Variants in PLD6 observed in about 807,000 individuals in gnomAD.
PLD6 encodes the protein phospholipase D family member 6.
Under a neutral mutation model 9.7 loss-of-function variants are expected in PLD6, and 10 were observed. That is an observed-to-expected ratio of 1.03 (90% CI 0.64 to 1.75). PLD6 has a LOEUF of 1.75. Ranked by LOEUF, PLD6 falls within the 40% of genes most tolerant of loss-of-function variation. The pLI is 0.00. For synonymous variants in PLD6, 152 were observed against 159.2 expected, an observed-to-expected ratio of 0.96 and a Z score of 0.34; for missense variants, 334 against 347.6, an observed-to-expected ratio of 0.96 and a Z score of 0.31.
chr17:17,205,724 G>T, intron 1 of PLD6, 136 bp downstream of exon 1: 2 of 1,056,622 alleles, frequency 1.9e-6, no homozygotes, highest in Non-Finnish European at 2.7e-6. Flanking sequence ...ACACCACCCC[G>T]ACCCCACAAG....
intron 1 of PLD6, among the ~76,000 whole-genome samples, chr17:17,205,466 G>A (rs1273154824): frequency 6.6e-6 from 1 of 152,196 alleles, no homozygotes; most frequent in Non-Finnish European, 1.5e-5. Context: ...GCCGTCCGGG[G>A]ATCTCCGGCA....
In PLD6 at chr17:17,201,236, C is replaced by T. The variant is rs1597559667; in HGVS notation, c.*1531G>A. ...CCTAACACTGTGAGTCAAAAGTAAC[C>T]CTAAAAAGGAAAAACACACAGCACT... On this transcript the variant is annotated 3_prime_UTR_variant, in exon 2 of 2. Coordinates refer to ENST00000321560, the MANE Select transcript of PLD6 (RefSeq NM_178836.4). 1 of 152,118 alleles carries T rather than the reference C, an allele frequency of 6.6e-6. No homozygotes were observed. Among genetic ancestry groups the T allele is most frequent in the Non-Finnish European group, 1.5e-5 (1 of 68,030 alleles). The allele number at this position is 152,118 out of a possible 1,614,324, so 9.4% of individuals were successfully genotyped here. A position where few individuals can be genotyped will look rare whatever the true frequency, so the allele number is the denominator to read the frequency against.
rs1312544484 is a variant in PLD6, at chr17:17,202,040, G to C, written c.*727C>G. 6.6e-6 allele frequency: 1 copy of C among 152,226 alleles called. No homozygotes were observed. The highest frequency in any genetic ancestry group is 1.5e-5 in the Non-Finnish European group (1 of 68,078). 9.4% of individuals were successfully genotyped at this position (152,226 alleles called of 1,614,324 possible). A position where few individuals can be genotyped will look rare whatever the true frequency, so the allele number is the denominator to read the frequency against. ...TAAAAAAAGTTAAAAGCCCAACATA[G>C]AAACAGCTGCTGGCCATCAGTCCTG... is the stretch of plus-strand genomic sequence containing the variant. On this transcript the variant is annotated 3_prime_UTR_variant, in exon 2 of 2. Transcript: ENST00000321560.
At chr17:17,203,338 T>G (rs1047359292) in intron 1 of PLD6, among the ~76,000 whole-genome samples, 5 of 152,128 alleles carry the variant, frequency 3.3e-5, no homozygotes, top group African/African-American at 9.7e-5. Flanking sequence ...CAGGCCGTGG[T>G]CTGGGTGAGG....
Position 17,206,188 on chromosome 17 carries a change from C to T in PLD6, c.99G>A (p.Arg33=). The stretch of plus-strand genomic sequence containing the variant: ...GCGCCTCGCGCCGCGGCCGCCGCCG[C>T]CTGGACCGCAGCCAGCGCAGCACCC... ...LPWVLRWLRS[R]RRRPRREALF... The change falls in exon 1 of 2, where the codon AGG becomes AGA. Residue 33 remains arginine, a synonymous_variant. Transcript: ENST00000321560. 1 of 1,517,530 alleles carries T rather than the reference C, an allele frequency of 6.6e-7. No homozygotes were observed. The highest frequency in any genetic ancestry group is 1.2e-5 in the South Asian group (1 of 82,326). 94.0% of individuals were successfully genotyped at this position (1,517,530 alleles called of 1,614,324 possible).
At position 17,205,975 on chromosome 17, in the gene PLD6, C is replaced by T; in HGVS notation, c.312G>A (p.Pro104=). The part of the protein sequence containing the change: ...LDLCLFAFSS[P]QLGRAVQLLH... Reference sequence around the variant, plus strand: ...GCAACTGCACGGCGCGGCCCAGCTGCGGGCTGGAGAAGGCGAACAGGCAGA... The same window carrying T: ...GCAACTGCACGGCGCGGCCCAGCTGTGGGCTGGAGAAGGCGAACAGGCAGA... Residue 104 remains proline (P), a synonymous_variant, in exon 1 of 2, where the codon CCG becomes CCA. Transcript: ENST00000321560. 1 of 1,555,014 alleles carries T rather than the reference C, an allele frequency of 6.4e-7. No homozygotes were observed. The highest frequency in any genetic ancestry group is 8.7e-7 in the Non-Finnish European group (1 of 1,151,482).
rs150565127 is a variant in PLD6 at position 17,202,950 on chromosome 17, G to T, written c.576C>A (p.Asp192Glu). Residue 192 changes from aspartate (D) to glutamate (E), a missense_variant, in exon 2 of 2, where the codon GAC becomes GAA. Asp to Glu is a conservative substitution (Grantham distance 45, BLOSUM62 2). Transcript: ENST00000321560. ...NRENVLITED[D>E]EYVRLFLEEF... ...CTTCCAGAAAAAGCCGCACGTACTCGTCGTCCTCCGTGATGAGAACATTCT... is the reference window on the plus strand; with the variant it reads ...CTTCCAGAAAAAGCCGCACGTACTCTTCGTCCTCCGTGATGAGAACATTCT... The T allele has an allele frequency of 6.2e-7, 1 of 1,614,150 alleles. No homozygotes were observed. The highest frequency in any genetic ancestry group is 8.5e-7 in the Non-Finnish European group (1 of 1,180,032).
intron 1 of PLD6, among the ~76,000 whole-genome samples, chr17:17,203,718 G>A (rs868480950): frequency 2.6e-5 from 4 of 152,124 alleles, no homozygotes; most frequent in African/African-American, 9.7e-5. Flanking sequence ...TGTCTCCCCT[G>A]GAATAACACT....
chr17:17,202,649 A>T lies in PLD6; in HGVS notation c.*118T>A. 1.0e-6 allele frequency: 1 copy of T among 981,920 alleles called. No individual in the cohort carries two copies. The highest frequency in any genetic ancestry group is 1.5e-6 in the Non-Finnish European group (1 of 668,824). The allele number at this position is 981,920 out of a possible 1,614,324, so 60.8% of individuals were successfully genotyped here. A position where few individuals can be genotyped will look rare whatever the true frequency, so the allele number is the denominator to read the frequency against. On this transcript the variant is annotated 3_prime_UTR_variant, in exon 2 of 2. Coordinates refer to ENST00000321560, the MANE Select transcript of PLD6 (RefSeq NM_178836.4). ...AAATTTCCCTTTCCTAACCTTCTTTAGTTCAATTTAGTATTCTAATAGACG... is the reference window on the plus strand; with the variant it reads ...AAATTTCCCTTTCCTAACCTTCTTTTGTTCAATTTAGTATTCTAATAGACG...
rs972026013 is a variant in PLD6 at position 17,202,166 on chromosome 17, C to T, written c.*601G>A. 3 of 155,764 alleles carry T rather than the reference C, an allele frequency of 1.9e-5. No individual in the cohort carries two copies. The highest frequency in any genetic ancestry group is 2.8e-5 in the Non-Finnish European group (2 of 70,184). 9.6% of individuals were successfully genotyped at this position (155,764 alleles called of 1,614,324 possible). A position where few individuals can be genotyped will look rare whatever the true frequency, so the allele number is the denominator to read the frequency against. On this transcript the variant is annotated 3_prime_UTR_variant, in exon 2 of 2. Transcript: ENST00000321560. ...GCAATTATGCAAGGAATCAAGGGAACAGCCAGCCTTTGGTGGCAATGACGC... is the reference window on the plus strand; with the variant it reads ...GCAATTATGCAAGGAATCAAGGGAATAGCCAGCCTTTGGTGGCAATGACGC...
rs1466835303 is a variant in PLD6 at position 17,206,089 on chromosome 17, G to A, written c.198C>T (p.Pro66=). The A allele has an allele frequency of 6.7e-7, 1 of 1,490,032 alleles. No homozygotes were observed. Among genetic ancestry groups the A allele is most frequent in the African/African-American group, 1.5e-5 (1 of 68,254 alleles). The allele number at this position is 1,490,032 out of a possible 1,614,324, so 92.3% of individuals were successfully genotyped here. The change falls in exon 1 of 2, where the codon CCC becomes CCT. Residue 66 remains proline (P), a synonymous_variant. Coordinates refer to ENST00000321560, the MANE Select transcript of PLD6 (RefSeq NM_178836.4). Reference sequence around the variant, plus strand: ...GGGGCAGGCCGCACGGGCAGCCCTCGGGGAGCTCGGCCAGCTCCGCGCCCG... The same window carrying A: ...GGGGCAGGCCGCACGGGCAGCCCTCAGGGAGCTCGGCCAGCTCCGCGCCCG... ...RAPGAELAEL[P]EGCPCGLPHG...
At chr17:17,205,735 G>T in intron 1 of PLD6, 125 bp downstream of exon 1, 1 of 1,153,718 alleles carries the variant, frequency 8.7e-7, no homozygotes, top group Non-Finnish European at 1.2e-6. Context: ...ACCCCACAAG[G>T]CCACGAGGAA....
chr17:17,202,979 T>C lies in PLD6; in HGVS notation c.547A>G (p.Arg183Gly). 1.2e-6 allele frequency: 2 copies of C among 1,614,220 alleles called. No homozygotes were observed. The highest frequency in any genetic ancestry group is 1.7e-6 in the Non-Finnish European group (2 of 1,180,036). ...TCCTCCGTGATGAGAACATTCTCCCTGTTGTTCTGGATGGCTTGCGTGGTC... is the reference window on the plus strand; with the variant it reads ...TCCTCCGTGATGAGAACATTCTCCCCGTTGTTCTGGATGGCTTGCGTGGTC... ...NWTTQAIQNN[R>G]ENVLITEDDE... The change falls in exon 2 of 2, where the codon AGG becomes GGG. Residue 183 changes from arginine (R) to glycine (G), a missense_variant. Arg to Gly is a moderately radical substitution (Grantham distance 125). Transcript: ENST00000321560.
In PLD6 at chr17:17,201,728, C is replaced by T. The variant is rs2046675926; in HGVS notation, c.*1039G>A. The T allele has an allele frequency of 6.6e-6, 1 of 152,288 alleles. No individual in the cohort carries two copies. Among genetic ancestry groups the T allele is most frequent in the African/African-American group, 2.4e-5 (1 of 41,448 alleles). 9.4% of individuals were successfully genotyped at this position (152,288 alleles called of 1,614,324 possible). ...GGGCATGGCGGCTCACACCTGTAAT[C>T]CCAGCACTTTGGGAGGCGGAAGTGG... On this transcript the variant is annotated 3_prime_UTR_variant, in exon 2 of 2. Coordinates refer to ENST00000321560, the MANE Select transcript of PLD6 (RefSeq NM_178836.4).
chr17:17,203,808 C>A (rs1324847544), intron 1 of PLD6, among the ~76,000 whole-genome samples: 1 of 152,216 alleles, frequency 6.6e-6, no homozygotes, highest in Non-Finnish European at 1.5e-5. Flanking sequence ...TGCCATGGAA[C>A]ACAGTTGCCA....
rs1186625297 is a variant in PLD6, at chr17:17,206,102, AG to A, written c.184del (p.Leu62TrpfsTer19). ...EALLRAPGAELAELPEGCPCG... is the reference protein window; with the variant it reads ...EALLRAPGAEXAELPEGCPCG... The stretch of plus-strand genomic sequence containing the variant: ...CGGGCAGCCCTCGGGGAGCTCGGCC[AG>A]CTCCGCGCCCGGAGCCCGCAGCAGG... On this transcript the variant is annotated frameshift_variant, in exon 1 of 2. Coordinates refer to ENST00000321560, the MANE Select transcript of PLD6 (RefSeq NM_178836.4). LOFTEE classifies it high-confidence loss of function. 1.4e-6 allele frequency: 2 copies of A among 1,480,070 alleles called. No individual in the cohort carries two copies. Among genetic ancestry groups the A allele is most frequent in the Non-Finnish European group, 1.8e-6 (2 of 1,124,974 alleles). 91.7% of individuals were successfully genotyped at this position (1,480,070 alleles called of 1,614,324 possible). A position where few individuals can be genotyped will look rare whatever the true frequency, so the allele number is the denominator to read the frequency against.
At chr17:17,205,583 C>T (rs988991553) in intron 1 of PLD6, among the ~76,000 whole-genome samples, 1 of 152,210 alleles carries the variant, frequency 6.6e-6, no homozygotes, top group Admixed American at 6.5e-5. Context: ...ACACGCAGGC[C>T]CACCTGCTTC....
Position 17,202,804 on chromosome 17 carries a change from T to C in PLD6, c.722A>G (p.His241Arg). 1 of 1,614,122 alleles carries C rather than the reference T, an allele frequency of 6.2e-7. No homozygotes were observed. Among genetic ancestry groups the C allele is most frequent in the Non-Finnish European group, 8.5e-7 (1 of 1,180,032 alleles). Residue 241 changes from histidine (H) to arginine (R), a missense_variant, in exon 2 of 2, where the codon CAC (histidine) becomes CGC (arginine). His to Arg is a conservative substitution (Grantham distance 29). Coordinates refer to ENST00000321560, the MANE Select transcript of PLD6 (RefSeq NM_178836.4). ...SRAGGRLLSW[H>R]RTCGTSSESQ... ...TTCGCTGGAGGTGCCGCAAGTTCTG[T>C]GCCATGAAAGCAATCTCCCTCCAGC...
intron 1 of PLD6, among the ~76,000 whole-genome samples, 179 bp from the exon 2 acceptor site, chr17:17,203,277 G>C (rs2046690275): frequency 6.6e-6 from 1 of 152,172 alleles, no homozygotes; most frequent in African/African-American, 2.4e-5. Flanking sequence ...ACCACAGAGG[G>C]GACATCACAC....
Sources: allele counts gnomAD v4.1 joint callset (sites outside exome capture counted in the v4.1 genomes callset), GRCh38; gene constraint gnomAD v4.1.1; transcripts MANE v1.5; gene names NCBI Gene and HGNC (gene_info 2026-07-23, HGNC 2026-07-21).